The following FBXO42 variants were observed in gnomAD, a reference collection of about 807,000 sequenced individuals.
The protein encoded by FBXO42 is F-box only protein 42.
A neutral mutation model predicts 71.7 loss-of-function variants in FBXO42; 12 were observed. The ratio of observed to expected loss-of-function variants is 0.17; its 90% CI spans 0.11 to 0.27. The LOEUF is 0.27. Among genes scored for constraint, FBXO42 ranks in the 10% least tolerant of loss-of-function variants. The probability of loss-of-function intolerance (pLI) is 1.00; values close to 1 mark genes in which losing one functional copy is unlikely to be tolerated. For synonymous variants in FBXO42, 325 were observed against 327.5 expected (o/e 0.99, Z 0.08); for missense variants, 707 against 911.9 (o/e 0.78, Z 2.89).
At chr1:16,323,382 T>C (rs961191083) in intron 1 of FBXO42, among the ~76,000 whole-genome samples, 4 of 151,204 alleles carry the variant, frequency 2.6e-5, no homozygotes, top group African/African-American at 9.7e-5. Context: ...CGTGCCACTG[T>C]ACTCCAGCCC....
intron 4 of FBXO42, among the ~76,000 whole-genome samples, chr1:16,275,241 C>T (rs2081887615): frequency 6.6e-6 from 1 of 152,078 alleles, no homozygotes; most frequent in Admixed American, 6.6e-5. Flanking sequence ...ATATAAAACC[C>T]ACAACCCATC....
intron 2 of FBXO42, among the ~76,000 whole-genome samples, chr1:16,310,007 A>G (rs1020316594): frequency 6.6e-6 from 1 of 151,978 alleles, no homozygotes; most frequent in Non-Finnish European, 1.5e-5. Flanking sequence ...CATCCTGGCT[A>G]ACACAGTGAA....
At chr1:16,330,749 C>T (rs1418962849) in intron 1 of FBXO42, among the ~76,000 whole-genome samples, 3 of 151,550 alleles carry the variant, frequency 2.0e-5, no homozygotes, top group African/African-American at 7.3e-5. Context: ...GAGACCAGCC[C>T]GGCCAACACT....
At chr1:16,352,125 G>T (rs1227642038) in intron 1 of FBXO42, 130 bp downstream of exon 1, 1 of 381,468 alleles carries the variant, frequency 2.6e-6, no homozygotes, top group African/African-American at 2.1e-5. Context: ...GCCCAACCAG[G>T]ACCGACCCCC....
chr1:16,303,056 A>T (rs1230811988), intron 3 of FBXO42, among the ~76,000 whole-genome samples: 4 of 152,182 alleles, frequency 2.6e-5, no homozygotes, highest in Non-Finnish European at 5.9e-5. Context: ...ACAATTAAAA[A>T]TTTCAAAAAC....
intron 3 of FBXO42, among the ~76,000 whole-genome samples, chr1:16,303,533 G>C (rs1396985149): frequency 6.6e-6 from 1 of 151,948 alleles, no homozygotes; most frequent in African/African-American, 2.4e-5. Flanking sequence ...CTTTAGTCCA[G>C]GTTCACATGA....
At chr1:16,325,706 G>C (rs980649716) in intron 1 of FBXO42, among the ~76,000 whole-genome samples, 5 of 152,094 alleles carry the variant, frequency 3.3e-5, no homozygotes, top group African/African-American at 4.8e-5. Context: ...ACCTAGGCTG[G>C]AGTGCAGTGA....
At chr1:16,314,429 T>C (rs943253355) in intron 2 of FBXO42, among the ~76,000 whole-genome samples, 1 of 152,242 alleles carries the variant, frequency 6.6e-6, no homozygotes, top group African/African-American at 2.4e-5. Context: ...TCTTTAATCC[T>C]GCATTTACTA....
intron 4 of FBXO42, among the ~76,000 whole-genome samples, chr1:16,279,173 A>G (rs1038521849): frequency 2.6e-5 from 4 of 152,192 alleles, no homozygotes; most frequent in African/African-American, 7.2e-5. Context: ...GATATGACCA[A>G]TACTTTTTCC....
At chr1:16,281,241 C>T (rs780342064) in intron 4 of FBXO42, among the ~76,000 whole-genome samples, 22 of 152,116 alleles carry the variant, frequency 1.4e-4, no homozygotes, top group African/African-American at 4.1e-4. Context: ...GGATTACAGG[C>T]GTGAGCCGCA....
chr1:16,288,742 G>A (rs1003108318), intron 4 of FBXO42, among the ~76,000 whole-genome samples: 8 of 151,956 alleles, frequency 5.3e-5, no homozygotes, highest in Non-Finnish European at 1.2e-4. Flanking sequence ...CGGATCACTT[G>A]AGGTCAAGGG....
At chr1:16,274,252 C>T (rs2081874595) in intron 4 of FBXO42, among the ~76,000 whole-genome samples, 1 of 151,418 alleles carries the variant, frequency 6.6e-6, no homozygotes, top group Non-Finnish European at 1.5e-5. Flanking sequence ...CTGCGGTGAG[C>T]TATGATAATC....
intron 3 of FBXO42, among the ~76,000 whole-genome samples, chr1:16,297,735 CAGGCGCCTGTAGTTCCAGTTACTCAGG>C: frequency 6.6e-6 from 1 of 151,954 alleles, no homozygotes; most frequent in Non-Finnish European, 1.5e-5. Context: ...GGCGTGGTGG[CAGGCGCCTGTAGTTCCAGTTACTCAGG>C]AGGCTGAGGC....
chr1:16,285,476 G>A (rs1335341909), intron 4 of FBXO42, among the ~76,000 whole-genome samples: 1 of 151,998 alleles, frequency 6.6e-6, no homozygotes, highest in Non-Finnish European at 1.5e-5. Flanking sequence ...GTTTCACCAT[G>A]TTGGTCAGGT....
chr1:16,252,462 A>G lies in FBXO42; in HGVS notation c.922-58T>C. 1 of 1,328,034 alleles carries G rather than the reference A, an allele frequency of 7.5e-7. No homozygotes were observed. Among genetic ancestry groups the G allele is most frequent in the South Asian group, 1.2e-5 (1 of 85,104 alleles). The allele number at this position is 1,328,034 out of a possible 1,614,324, so 82.3% of individuals were successfully genotyped here. On this transcript the variant is annotated intron_variant, in intron 8 of 9. Coordinates refer to ENST00000375592, the MANE Select transcript of FBXO42 (RefSeq NM_018994.3). This position sits in a 1 kb window ranked among gnomAD's most constrained non-coding sequence, Gnocchi z 4.4. Reference sequence around the variant, plus strand: ...GTGTGATATGCGTTCCAAAACACACACACACAGAGTTGCAGTCTCAAAGCT... The same window carrying G: ...GTGTGATATGCGTTCCAAAACACACGCACACAGAGTTGCAGTCTCAAAGCT...
Position 16,315,173 on chromosome 1 carries a change from G to C in FBXO42, c.246C>G (p.Ile82Met), listed in dbSNP as rs772477058. ...ALVCKQWYRL[I>M]KGVAHQCYHG... is the part of the protein sequence containing the mutation. ...CCTTTCTCCTATCCACAGTACCTTT[G>C]ATAAGTCGATACCACTGTTTGCAGA... is the stretch of plus-strand genomic sequence containing the variant. The change falls in exon 2 of 10, where the codon ATC becomes ATG. Residue 82 changes from isoleucine (I) to methionine (M), a missense_variant. Transcript: ENST00000375592. 9 of 1,608,540 alleles carry C rather than the reference G, an allele frequency of 5.6e-6. No individual in the cohort carries two copies. Among genetic ancestry groups the C allele is most frequent in the Non-Finnish European group, 7.7e-6 (9 of 1,175,676 alleles).
chr1:16,340,984 T>C (rs1438803858), intron 1 of FBXO42, among the ~76,000 whole-genome samples: 1 of 152,114 alleles, frequency 6.6e-6, no homozygotes, highest in Non-Finnish European at 1.5e-5. Context: ...TAAAGCATTA[T>C]TTACTAATGT....
chr1:16,348,523 C>A (rs2082672145), intron 1 of FBXO42, among the ~76,000 whole-genome samples: 1 of 150,934 alleles, frequency 6.6e-6, no homozygotes, highest in South Asian at 2.1e-4. Flanking sequence ...ATGGTGAAAT[C>A]CCACCTCTAC....
At chr1:16,292,030 T>C (rs2082084244) in intron 4 of FBXO42, among the ~76,000 whole-genome samples, 1 of 152,168 alleles carries the variant, frequency 6.6e-6, no homozygotes, top group Admixed American at 6.6e-5. Flanking sequence ...GCTCAGGTTT[T>C]CCTCCTTCTA....
Sources: gnomAD v4.1 joint callset for allele counts (sites outside exome capture counted in the v4.1 genomes callset) on GRCh38, gnomAD v4.1.1 for gene constraint, Gnocchi (gnomAD v3.1) non-coding constraint, MANE v1.5 for transcripts, NCBI Gene and HGNC (gene_info 2026-07-23, HGNC 2026-07-21) for gene names.